Variants in DTNB observed in about 807,000 individuals in gnomAD.
The protein encoded by DTNB is DTN-B.
A neutral mutation model predicts 90.7 loss-of-function variants in DTNB; 63 were observed. That is an observed-to-expected ratio of 0.69 (90% CI 0.57 to 0.86). The LOEUF (loss-of-function observed/expected upper bound fraction) is 0.86, where lower values mean the gene tolerates loss of function less well. Ranked by LOEUF, DTNB falls within the 40% of genes least tolerant of loss-of-function variation. The pLI is 0.00. For synonymous variants in DTNB, 277 were observed against 286.7 expected (o/e 0.97, Z 0.34); for missense variants, 744 against 807.1 (o/e 0.92, Z 0.95).
At chr2:25,470,688 A>T (rs1327479927) in intron 10 of DTNB, among the ~76,000 whole-genome samples, 1 of 152,082 alleles carries the variant, frequency 6.6e-6, no homozygotes, top group Admixed American at 6.6e-5. Context: ...GAAGACAACA[A>T]TTTTGGATCA....
chr2:25,476,897 C>A (rs1216682803), intron 10 of DTNB, among the ~76,000 whole-genome samples: 1 of 152,196 alleles, frequency 6.6e-6, no homozygotes, highest in Non-Finnish European at 1.5e-5. Context: ...GAAAGAAGTT[C>A]TACTGTGGGT....
chr2:25,456,046 T>C (rs2059979572), intron 10 of DTNB, among the ~76,000 whole-genome samples: 1 of 152,248 alleles, frequency 6.6e-6, no homozygotes, highest in Admixed American at 6.5e-5. Flanking sequence ...TCATTAGAAC[T>C]GCGCCTAATT....
intron 11 of DTNB, among the ~76,000 whole-genome samples, chr2:25,454,039 A>G (rs909034497): frequency 6.6e-6 from 1 of 151,754 alleles, no homozygotes; most frequent in African/African-American, 2.4e-5. Flanking sequence ...GGTCCCAGCT[A>G]CTCGGGAGGT....
chr2:25,521,620 C>T (rs2076150740), intron 9 of DTNB, among the ~76,000 whole-genome samples: 1 of 72,868 alleles, frequency 1.4e-5, no homozygotes. Context: ...CTGTGATCCA[C>T]TCCCAACTCA....
intron 2 of DTNB, among the ~76,000 whole-genome samples, chr2:25,652,392 G>A (rs2081117944): frequency 6.6e-6 from 1 of 152,072 alleles, no homozygotes; most frequent in East Asian, 1.9e-4. Context: ...TTATGGCCTT[G>A]TCTAAGAAAG....
At chr2:25,446,521 G>T (rs2058452526) in intron 12 of DTNB, among the ~76,000 whole-genome samples, 1 of 152,118 alleles carries the variant, frequency 6.6e-6, no homozygotes, top group East Asian at 1.9e-4. Flanking sequence ...CTCCCAAAGT[G>T]CTGGGATTAC....
chr2:25,403,947 T>G (rs1211250208), intron 16 of DTNB, among the ~76,000 whole-genome samples: 1 of 152,220 alleles, frequency 6.6e-6, no homozygotes, highest in Non-Finnish European at 1.5e-5. Flanking sequence ...GAACCTAGTT[T>G]GGATTCCAGC....
chr2:25,515,424 G>A (rs532547511), intron 9 of DTNB, among the ~76,000 whole-genome samples: 1 of 152,222 alleles, frequency 6.6e-6, no homozygotes, highest in Admixed American at 6.5e-5. Flanking sequence ...CAGCTATAAG[G>A]ACAGATACAC....
chr2:25,604,865 C>T (rs1257570588), intron 5 of DTNB, among the ~76,000 whole-genome samples: 2 of 152,124 alleles, frequency 1.3e-5, no homozygotes, highest in Admixed American at 6.5e-5. Flanking sequence ...GGATTACAGG[C>T]GGGAGCCACT....
intron 9 of DTNB, among the ~76,000 whole-genome samples, chr2:25,518,438 C>T (rs1483076227): frequency 4.6e-5 from 7 of 152,048 alleles, no homozygotes; most frequent in Admixed American, 3.3e-4. Context: ...AATGCTGTTT[C>T]TCCTCACTGC....
chr2:25,589,868 C>T (rs766136170), intron 6 of DTNB, among the ~76,000 whole-genome samples: 7 of 152,170 alleles, frequency 4.6e-5, no homozygotes, highest in African/African-American at 1.4e-4. Context: ...AGGCTGCACT[C>T]GGCTCACGCT....
intron 10 of DTNB, among the ~76,000 whole-genome samples, chr2:25,465,393 G>T (rs1332018970): frequency 6.7e-6 from 1 of 149,190 alleles, no homozygotes; most frequent in Non-Finnish European, 1.5e-5. Flanking sequence ...AAAAAAGAAA[G>T]AAAAGAAACA....
At chr2:25,560,527 C>G (rs759056264) in intron 8 of DTNB, among the ~76,000 whole-genome samples, 2 of 151,350 alleles carry the variant, frequency 1.3e-5, no homozygotes, top group Middle Eastern at 3.4e-3. Context: ...ACTGAAAGAT[C>G]AACTCTTTCT....
At chr2:25,452,132 T>C (rs1199258287) in intron 11 of DTNB, among the ~76,000 whole-genome samples, 1 of 152,176 alleles carries the variant, frequency 6.6e-6, no homozygotes, top group South Asian at 2.1e-4. Flanking sequence ...CATCAAATAT[T>C]CCCCTTTTCA....
intron 6 of DTNB, among the ~76,000 whole-genome samples, chr2:25,589,692 G>C (rs2063184103): frequency 6.6e-6 from 1 of 152,222 alleles, no homozygotes; most frequent in South Asian, 2.1e-4. Context: ...TTTTCATAAA[G>C]ATAGGCATCA....
At chr2:25,627,616 C>T (rs1340834152) in intron 4 of DTNB, among the ~76,000 whole-genome samples, 1 of 151,664 alleles carries the variant, frequency 6.6e-6, no homozygotes, top group Non-Finnish European at 1.5e-5. Flanking sequence ...TATAATTTTC[C>T]CAAACAATAC....
At chr2:25,583,265 AT>A (rs1559121193) in intron 6 of DTNB, among the ~76,000 whole-genome samples, 872 of 66,812 alleles carry the variant, frequency 0.013, 9 homozygotes, top group African/African-American at 0.041. Context: ...AAAAAAAAAT[AT>A]ATATATATAT....
intron 12 of DTNB, among the ~76,000 whole-genome samples, chr2:25,445,379 T>TA (rs1049357164): frequency 2.6e-5 from 4 of 152,196 alleles, no homozygotes; most frequent in African/African-American, 9.6e-5. Flanking sequence ...GTTGTAATGT[T>TA]AGAGTCAGAT....
In DTNB at chr2:25,653,478, G is replaced by GCTTTCTTT. The variant is rs1201675268; in HGVS notation, c.-1-825_-1-818dup. Among the ~76,000 whole-genome samples the GCTTTCTTT allele has an allele frequency of 1.9e-3, 216 of 116,594 alleles. 1 individual carries two copies. Among genetic ancestry groups the GCTTTCTTT allele is most frequent in the African/African-American group, 3.7e-3 (103 of 28,026 alleles). The allele number at this position is 116,594 out of a possible 152,430, so 76.5% of individuals were successfully genotyped here. A position where few individuals can be genotyped will look rare whatever the true frequency, so the allele number is the denominator to read the frequency against. On this transcript the variant is annotated intron_variant, in intron 1 of 20. Coordinates refer to ENST00000406818, the MANE Select transcript of DTNB (RefSeq NM_021907.5). Reference sequence around the variant, plus strand: ...AGGAAAAGAAAACTGTTCAGAGCTTGCTTTCTTTCTTTCTTTCTTTCTTTC... The same window carrying GCTTTCTTT: ...AGGAAAAGAAAACTGTTCAGAGCTTGCTTTCTTTCTTTCTTTCTTTCTTTCTTTCTTTC...
Sources: allele counts gnomAD v4.1 joint callset (sites outside exome capture counted in the v4.1 genomes callset), GRCh38; gene constraint gnomAD v4.1.1; transcripts MANE v1.5; gene names NCBI Gene and HGNC (gene_info 2026-07-23, HGNC 2026-07-21).